RPA1: variants seen among roughly 807,000 people sequenced by gnomAD.
RPA1 encodes replication protein A1.
Under a neutral mutation model 83.0 loss-of-function variants are expected in RPA1, and 49 were observed. The ratio of observed to expected loss-of-function variants is 0.59; its 90% CI spans 0.47 to 0.75. The LOEUF is 0.75. Among genes scored for constraint, RPA1 ranks in the 30% least tolerant of loss-of-function variants. The pLI, the probability that RPA1 is intolerant of heterozygous loss-of-function variation, is 0.00. For synonymous variants in RPA1, 279 were observed against 281.8 expected, an observed-to-expected ratio of 0.99 and a Z score of 0.10; for missense variants, 693 against 776.1, an observed-to-expected ratio of 0.89 and a Z score of 1.27.
intron 13 of RPA1, among the ~76,000 whole-genome samples, chr17:1,887,075 A>G (rs1914020529): frequency 1.3e-5 from 2 of 152,164 alleles, no homozygotes; most frequent in South Asian, 4.1e-4. Context: ...TATTCTATCT[A>G]GACCACTACA....
chr17:1,877,379 T>G, intron 8 of RPA1, 65 bp downstream of exon 8: 14 of 1,423,178 alleles, frequency 9.8e-6, no homozygotes, highest in Non-Finnish European at 1.3e-5. Flanking sequence ...GGCTCAGCTC[T>G]GCGGAGGGCA....
chr17:1,898,393 C>G lies in RPA1; in HGVS notation c.*1218C>G, dbSNP rs550028981. On this transcript the variant is annotated 3_prime_UTR_variant, in exon 17 of 17. Coordinates refer to ENST00000254719, the MANE Select transcript of RPA1 (RefSeq NM_002945.5). ...AGCTGGTAAGAAAACAGTAATTATG[C>G]TAGTGGGCCTTTCAGTCAGCAAAAG... The G allele has an allele frequency of 6.6e-6, 1 of 152,372 alleles. No homozygotes were observed. The highest frequency in any genetic ancestry group is 1.9e-4 in the East Asian group (1 of 5,192). 9.4% of individuals were successfully genotyped at this position (152,372 alleles called of 1,614,324 possible).
At chr17:1,858,605 T>C (rs1912813944) in intron 5 of RPA1, among the ~76,000 whole-genome samples, 1 of 151,640 alleles carries the variant, frequency 6.6e-6, no homozygotes, top group South Asian at 2.1e-4. Context: ...CTGGGACTAT[T>C]GGTGTGTGCC....
At chr17:1,865,678 G>A (rs559704808) in intron 5 of RPA1, among the ~76,000 whole-genome samples, 2 of 152,230 alleles carry the variant, frequency 1.3e-5, no homozygotes, top group South Asian at 4.1e-4. Flanking sequence ...TTATCCTTCA[G>A]GCGTTTCTTC....
rs962396664 is a variant in RPA1 at position 1,883,984 on chromosome 17, A to G, written c.1374+40A>G. On this transcript the variant is annotated intron_variant, in intron 13 of 16. Coordinates refer to ENST00000254719, the MANE Select transcript of RPA1 (RefSeq NM_002945.5). Reference sequence around the variant, plus strand: ...TAACCACCTTCACAAAGGGCTGTAAAGTGTGCAGAAGGATGGATTTAGAAA... The same window carrying G: ...TAACCACCTTCACAAAGGGCTGTAAGGTGTGCAGAAGGATGGATTTAGAAA... 10 of 1,605,964 alleles carry G rather than the reference A, an allele frequency of 6.2e-6. No homozygotes were observed. The Admixed American group carries it at 1.4e-4, about 22-fold the overall frequency.
chr17:1,873,885 C>T (rs879712500), intron 6 of RPA1, among the ~76,000 whole-genome samples: 3 of 149,564 alleles, frequency 2.0e-5, no homozygotes, highest in Admixed American at 6.7e-5. Context: ...CCCAGCTACT[C>T]GAGAGGCTGA....
rs1461164618 is a variant in RPA1, at chr17:1,897,609, G to A, written c.*434G>A. ...TTCTCAGCGGGGCGAGCTGAGAAGC[G>A]GTCATGAGCACCTGGGGATTTTAGT... On this transcript the variant is annotated 3_prime_UTR_variant, in exon 17 of 17. Coordinates refer to ENST00000254719, the MANE Select transcript of RPA1 (RefSeq NM_002945.5). 3.7e-5 allele frequency: 6 copies of A among 162,362 alleles called. No individual in the cohort carries two copies. The highest frequency in any genetic ancestry group is 6.8e-5 in the Non-Finnish European group (5 of 73,232). The allele number at this position is 162,362 out of a possible 1,614,324, so 10.1% of individuals were successfully genotyped here. A position where few individuals can be genotyped will look rare whatever the true frequency, so the allele number is the denominator to read the frequency against.
chr17:1,890,910 G>A (rs1914178844), intron 14 of RPA1, among the ~76,000 whole-genome samples: 2 of 152,166 alleles, frequency 1.3e-5, no homozygotes, highest in Non-Finnish European at 2.9e-5. Flanking sequence ...CCTGTGTGAT[G>A]AGATGCTCTT....
At chr17:1,851,820 T>G (rs1912506658) in intron 4 of RPA1, among the ~76,000 whole-genome samples, 1 of 133,514 alleles carries the variant, frequency 7.5e-6, no homozygotes, top group African/African-American at 2.5e-5. Flanking sequence ...CAGGCTTATC[T>G]TATTGAAACT....
intron 1 of RPA1, 70 bp downstream of exon 1, chr17:1,830,196 G>C (rs1911479966): frequency 6.0e-6 from 7 of 1,176,192 alleles, no homozygotes; most frequent in Non-Finnish European, 6.4e-6. Flanking sequence ...GGAGTAGAGA[G>C]GGGGAGGGGA....
chr17:1,870,414 G>A (rs1273439717), intron 5 of RPA1, among the ~76,000 whole-genome samples: 1 of 152,192 alleles, frequency 6.6e-6, no homozygotes, highest in African/African-American at 2.4e-5. Context: ...AAAAAATGTG[G>A]ATCTTAGAAT....
chr17:1,880,660 G>A lies in RPA1; in HGVS notation c.1210G>A (p.Asp404Asn), dbSNP rs1913758165. ...TTCAAGCACTATCATTGCGAATCCT[G>A]ACATCCCAGAGGCCTATAAGCTTCG... is the stretch of plus-strand genomic sequence containing the variant. ...LSSSTIIANP[D>N]IPEAYKLRGW... The change falls in exon 12 of 17, where the codon GAC becomes AAC. Residue 404 changes from aspartate (D) to asparagine (N), a missense_variant. Coordinates refer to ENST00000254719, the MANE Select transcript of RPA1 (RefSeq NM_002945.5). 2.5e-6 allele frequency: 4 copies of A among 1,613,762 alleles called. No individual in the cohort carries two copies. In the South Asian group the frequency reaches 4.4e-5, roughly 18 times the overall value.
chr17:1,898,625 C>A lies in RPA1; in HGVS notation c.*1450C>A, dbSNP rs1013005501. ...TGATGGTGTCCTGTCTGTCTCCCCC[C>A]TCGGTGTCTGCCGTTGACATAGGGG... is the stretch of plus-strand genomic sequence containing the variant. On this transcript the variant is annotated 3_prime_UTR_variant, in exon 17 of 17. Transcript: ENST00000254719. 2.0e-5 allele frequency: 3 copies of A among 152,264 alleles called. No homozygotes were observed. The highest frequency in any genetic ancestry group is 7.2e-5 in the African/African-American group (3 of 41,456). 9.4% of individuals were successfully genotyped at this position (152,264 alleles called of 1,614,324 possible).
At chr17:1,849,482 CG>C (rs1392718943) in intron 4 of RPA1, among the ~76,000 whole-genome samples, 1 of 151,778 alleles carries the variant, frequency 6.6e-6, no homozygotes, top group African/African-American at 2.4e-5. Context: ...TTAGTATAGA[CG>C]GGGTTTCACT....
At chr17:1,846,106 A>G (rs1317317417) in intron 4 of RPA1, among the ~76,000 whole-genome samples, 1 of 152,036 alleles carries the variant, frequency 6.6e-6, no homozygotes, top group Non-Finnish European at 1.5e-5. Context: ...ATTTCACTCA[A>G]TAACTTTTTT....
rs1374926567 is a variant in RPA1 at position 1,843,901 on chromosome 17, A to G, written c.85-19A>G. 11 of 1,611,012 alleles carry G rather than the reference A, an allele frequency of 6.8e-6. No individual in the cohort carries two copies. Among genetic ancestry groups the G allele is most frequent in the Non-Finnish European group, 8.5e-6 (10 of 1,178,084 alleles). On this transcript the variant is annotated intron_variant, in intron 2 of 16. Transcript: ENST00000254719. The stretch of plus-strand genomic sequence containing the variant: ...ACGGGGCAGACAACCTGGCTAATGA[A>G]TCAAGTTTTCTGTCCTAGAACATCC...
At chr17:1,842,959 ACCCCCAGT>A in intron 2 of RPA1, 106 bp downstream of exon 2, 2 of 1,142,486 alleles carry the variant, frequency 1.8e-6, no homozygotes, top group Admixed American at 4.0e-5. Context: ...TCGGAAATTC[ACCCCCAGT>A]CACAAAAAAT....
intron 5 of RPA1, among the ~76,000 whole-genome samples, chr17:1,862,074 A>G (rs1255732523): frequency 6.7e-6 from 1 of 149,832 alleles, no homozygotes; most frequent in Non-Finnish European, 1.5e-5. Flanking sequence ...TTGTATTTTC[A>G]GTAGAGACGG....
chr17:1,896,797 A>G (rs1420875725), intron 16 of RPA1, among the ~76,000 whole-genome samples: 1 of 152,182 alleles, frequency 6.6e-6, no homozygotes, highest in Non-Finnish European at 1.5e-5. Flanking sequence ...GAAACTAGAG[A>G]AACCCTCTAA....
Sources: gnomAD v4.1 joint callset for allele counts (sites outside exome capture counted in the v4.1 genomes callset) on GRCh38, gnomAD v4.1.1 for gene constraint, MANE v1.5 for transcripts, NCBI Gene and HGNC (gene_info 2026-07-23, HGNC 2026-07-21) for gene names.